The following RAD51B variants were observed in gnomAD, a reference collection of about 807,000 sequenced individuals.
RAD51B encodes RAD51 paralog B, also known as DNA repair protein RAD51 homolog 2.
Under a neutral mutation model 42.2 loss-of-function variants are expected in RAD51B, and 38 were observed. The observed-to-expected ratio is 0.90, with a 90% CI of 0.70 to 1.18. RAD51B has a LOEUF of 1.18. RAD51B is among the 50% of genes most tolerant of loss of function. The pLI, the probability that RAD51B is intolerant of heterozygous loss-of-function variation, is 0.00. For synonymous variants in RAD51B, 154 were observed against 145.2 expected, an observed-to-expected ratio of 1.06 and a Z score of -0.43; for missense variants, 373 against 400.7, an observed-to-expected ratio of 0.93 and a Z score of 0.59.
chr14:68,640,394 A>G (rs1892434987), intron 10 of RAD51B, among the ~76,000 whole-genome samples: 1 of 152,162 alleles, frequency 6.6e-6, no homozygotes, highest in South Asian at 2.1e-4. Context: ...CTACTTTTCC[A>G]TCTCATTGAA....
At chr14:68,107,658 T>C (rs1329753598) in intron 7 of RAD51B, among the ~76,000 whole-genome samples, 11 of 151,836 alleles carry the variant, frequency 7.2e-5, no homozygotes, top group Non-Finnish European at 1.6e-4. Context: ...AGTTGGGAAG[T>C]AAACTTTTTC....
chr14:67,846,642 A>T (rs764494294), intron 4 of RAD51B, among the ~76,000 whole-genome samples: 63 of 152,074 alleles, frequency 4.1e-4, no homozygotes, highest in Admixed American at 2.9e-3. Context: ...GGCCCCCTGG[A>T]GGCACCTCAG....
chr14:68,369,113 C>G (rs2083201308), intron 8 of RAD51B, among the ~76,000 whole-genome samples: 1 of 152,224 alleles, frequency 6.6e-6, no homozygotes, highest in South Asian at 2.1e-4. Flanking sequence ...CCTGGTGATA[C>G]ATCCCTCTTG....
In RAD51B at chr14:68,514,911, G is replaced by C. The variant is rs184880596; in HGVS notation, c.1036+46661G>C. On this transcript the variant is annotated intron_variant, in intron 10 of 10. Coordinates refer to the RAD51B transcript ENST00000487270. ...AAAAAAGAGTGAAAGGCTCAAACAC[G>C]ACATTCTTGCACTCTCTTAAATAAA... 1.4e-4 allele frequency among the ~76,000 whole-genome samples: 21 copies of C among 152,188 alleles called. No homozygotes were observed. In the East Asian group the frequency reaches 4.1e-3, roughly 29 times the overall value.
chr14:68,358,056 G>C (rs192988444), intron 8 of RAD51B, among the ~76,000 whole-genome samples: 104 of 152,302 alleles, frequency 6.8e-4, no homozygotes, highest in African/African-American at 2.1e-3. Flanking sequence ...GGAAGGGCTG[G>C]TTGTTGGAAA....
intron 8 of RAD51B, among the ~76,000 whole-genome samples, chr14:68,349,883 A>G (rs1253697251): frequency 6.6e-6 from 1 of 152,246 alleles, no homozygotes; most frequent in Non-Finnish European, 1.5e-5. Flanking sequence ...AGTAAAATCT[A>G]TTAATATCCT....
chr14:68,326,027 C>CTT lies in RAD51B; in HGVS notation c.853+34051_853+34052dup, dbSNP rs1156621815. 7.4e-4 allele frequency among the ~76,000 whole-genome samples: 38 copies of CTT among 51,632 alleles called. 2 individuals are homozygous for CTT. Among genetic ancestry groups the CTT allele is most frequent in the East Asian group, 1.0e-3 (2 of 1,972 alleles). 33.9% of individuals were successfully genotyped at this position (51,632 alleles called of 152,430 possible). ...ATACTAATTGAATAATGTTGTTATT[C>CTT]TTTTTCTTTTCTTTTTTTTTTTTTT... On this transcript the variant is annotated intron_variant, in intron 8 of 10. Transcript: ENST00000471583.
At chr14:67,826,142 T>G (rs1049177265) in intron 3 of RAD51B, among the ~76,000 whole-genome samples, 1 of 152,164 alleles carries the variant, frequency 6.6e-6, no homozygotes, top group Non-Finnish European at 1.5e-5. Context: ...ATAGCAGTAG[T>G]TCAAAAGGTC....
At chr14:67,897,793 G>A (rs559164562) in intron 7 of RAD51B, among the ~76,000 whole-genome samples, 12 of 152,188 alleles carry the variant, frequency 7.9e-5, no homozygotes, top group African/African-American at 2.6e-4. Flanking sequence ...GGGATTACAG[G>A]CATGTGCCAC....
intron 7 of RAD51B, among the ~76,000 whole-genome samples, chr14:67,911,239 C>G (rs2043969155): frequency 6.6e-6 from 1 of 152,082 alleles, no homozygotes; most frequent in African/African-American, 2.4e-5. Flanking sequence ...CTTATTAAGT[C>G]CTTTGCATTG....
intron 7 of RAD51B, among the ~76,000 whole-genome samples, chr14:68,198,289 C>A (rs1428862813): frequency 6.6e-6 from 1 of 152,124 alleles, no homozygotes; most frequent in Non-Finnish European, 1.5e-5. Context: ...CCATTTCGTT[C>A]CACAGCAGGA....
At chr14:67,970,029 G>A (rs568722901) in intron 7 of RAD51B, among the ~76,000 whole-genome samples, 4 of 152,292 alleles carry the variant, frequency 2.6e-5, no homozygotes, top group Non-Finnish European at 4.4e-5. Flanking sequence ...AAAAGGTTGG[G>A]AGTCAGGAAT....
chr14:68,208,795 T>G (rs2079645688), intron 7 of RAD51B, among the ~76,000 whole-genome samples: 1 of 152,182 alleles, frequency 6.6e-6, no homozygotes, highest in South Asian at 2.1e-4. Context: ...TATTCAACAG[T>G]AAAACTCATT....
At chr14:68,354,530 G>T (rs942432459) in intron 8 of RAD51B, among the ~76,000 whole-genome samples, 13 of 151,540 alleles carry the variant, frequency 8.6e-5, no homozygotes, top group African/African-American at 3.2e-4. Flanking sequence ...TGTTTTAAAC[G>T]AGTAAAATGA....
chr14:68,588,811 T>C (rs2256608), intron 10 of RAD51B, among the ~76,000 whole-genome samples: 123,797 of 152,138 alleles, frequency 0.81, 50,605 homozygotes, highest in African/African-American at 0.86. Context: ...TGTTCTGTCA[T>C]TACAGTCCCC....
intron 10 of RAD51B, among the ~76,000 whole-genome samples, chr14:68,560,141 C>T (rs1050817946): frequency 7.2e-5 from 11 of 152,148 alleles, no homozygotes; most frequent in African/African-American, 2.7e-4. Context: ...TCAGATGTTA[C>T]AGGTAGTCAC....
At chr14:68,644,069 A>T (rs1377594564) in intron 10 of RAD51B, among the ~76,000 whole-genome samples, 1 of 152,110 alleles carries the variant, frequency 6.6e-6, no homozygotes, top group Non-Finnish European at 1.5e-5. Flanking sequence ...ACTCTGTGCA[A>T]TAATTCCCTC....
intron 10 of RAD51B, among the ~76,000 whole-genome samples, chr14:68,587,933 A>G (rs1040638525): frequency 6.6e-6 from 1 of 152,216 alleles, no homozygotes. Flanking sequence ...GCAGTGTGGT[A>G]TAGATCCTCG....
At chr14:68,502,051 C>T (rs1039609204) in intron 10 of RAD51B, among the ~76,000 whole-genome samples, 1 of 152,220 alleles carries the variant, frequency 6.6e-6, no homozygotes, top group Non-Finnish European at 1.5e-5. Context: ...TGGAAGGCCA[C>T]GTCTGAGCCA....
Sources: gnomAD v4.1 joint callset for allele counts (sites outside exome capture counted in the v4.1 genomes callset) on GRCh38, gnomAD v4.1.1 for gene constraint, MANE v1.5 for transcripts, NCBI Gene and HGNC (gene_info 2026-07-23, HGNC 2026-07-21) for gene names.